Variants in MAP2K5 observed in about 807,000 individuals in gnomAD.
MAP2K5 encodes dual specificity mitogen-activated protein kinase kinase 5.
A neutral mutation model predicts 83.1 loss-of-function variants in MAP2K5; 49 were observed. That is an observed-to-expected ratio of 0.59 (90% confidence interval 0.47 to 0.75). The LOEUF (loss-of-function observed/expected upper bound fraction) is 0.75, where lower values mean the gene tolerates loss of function less well. Ranked by LOEUF, MAP2K5 falls within the 30% of genes least tolerant of loss-of-function variation. MAP2K5 has a pLI of 0.00. For synonymous variants in MAP2K5, 202 were observed against 191.8 expected (o/e 1.05, Z -0.44); for missense variants, 457 against 557.5 (o/e 0.82, Z 1.82).
At chr15:67,740,140 C>G (rs889820337) in intron 17 of MAP2K5, among the ~76,000 whole-genome samples, 9 of 152,188 alleles carry the variant, frequency 5.9e-5, no homozygotes, top group African/African-American at 2.2e-4. Flanking sequence ...GTTTCAGGAA[C>G]CTTTAATAAG....
chr15:67,701,053 G>C (rs1248339658), intron 15 of MAP2K5, among the ~76,000 whole-genome samples: 1 of 151,866 alleles, frequency 6.6e-6, no homozygotes, highest in Admixed American at 6.6e-5. Context: ...CAAATATTTT[G>C]TATGTGGGTT....
chr15:67,687,527 T>TA (rs1161395661), intron 13 of MAP2K5, among the ~76,000 whole-genome samples: 1 of 152,218 alleles, frequency 6.6e-6, no homozygotes, highest in African/African-American at 2.4e-5. Flanking sequence ...GACAGGGTCT[T>TA]ACTCATGTTT....
rs551153133 is a variant in MAP2K5 at position 67,801,820 on chromosome 15, C to T, written c.1243-4826C>T. The stretch of plus-strand genomic sequence containing the variant: ...TACCACATGCAGGCATTGCACCAGG[C>T]CCTGCAGCCACACCAGCAAGTTATT... On this transcript the variant is annotated intron_variant, in intron 21 of 21. Coordinates refer to ENST00000178640, the MANE Select transcript of MAP2K5 (RefSeq NM_145160.3). This position sits in a 1 kb window ranked among gnomAD's most constrained non-coding sequence, Gnocchi z 4.8. Among the ~76,000 whole-genome samples, 3 of 152,276 alleles carry T rather than the reference C, an allele frequency of 2.0e-5. No individual in the cohort carries two copies. Among genetic ancestry groups the T allele is most frequent in the African/African-American group, 7.2e-5 (3 of 41,560 alleles).
Position 67,781,013 on chromosome 15 carries a change from G to A in MAP2K5, c.1242+8261G>A, listed in dbSNP as rs1321927830. Among the ~76,000 whole-genome samples the A allele has an allele frequency of 1.3e-5, 2 of 152,208 alleles. No individual in the cohort carries two copies. The highest frequency in any genetic ancestry group is 2.9e-5 in the Non-Finnish European group (2 of 68,034). ...CTCCTGGCTAGCACCATCTTTGCCT[G>A]TTAGATTGATGACAGGGGACCCGAA... On this transcript the variant is annotated intron_variant, in intron 21 of 21. Coordinates refer to ENST00000178640, the MANE Select transcript of MAP2K5 (RefSeq NM_145160.3). This position sits in a 1 kb window ranked among gnomAD's most constrained non-coding sequence, Gnocchi z 4.0.
At chr15:67,789,244 C>T (rs956937071) in intron 21 of MAP2K5, among the ~76,000 whole-genome samples, 1 of 152,000 alleles carries the variant, frequency 6.6e-6, no homozygotes, top group Non-Finnish European at 1.5e-5. Context: ...ATTTATTTAT[C>T]CAGGACCCTG....
In MAP2K5 at chr15:67,690,279, A is replaced by G. The variant is rs577798966; in HGVS notation, c.848-2200A>G. Among the ~76,000 whole-genome samples, 1 of 152,342 alleles carries G rather than the reference A, an allele frequency of 6.6e-6. No individual in the cohort carries two copies. Among genetic ancestry groups the G allele is most frequent in the Admixed American group, 6.5e-5 (1 of 15,302 alleles). On this transcript the variant is annotated intron_variant, in intron 13 of 21. Coordinates refer to ENST00000178640, the MANE Select transcript of MAP2K5 (RefSeq NM_145160.3). This position sits in a 1 kb window ranked among gnomAD's most constrained non-coding sequence, Gnocchi z 4.3. ...CAGTTCAGCAAACATTTAAGTGTCTACTGTGGCTATGATGTGTTGTGCTAA... is the reference window on the plus strand; with the variant it reads ...CAGTTCAGCAAACATTTAAGTGTCTGCTGTGGCTATGATGTGTTGTGCTAA...
chr15:67,572,237 G>C lies in MAP2K5; in HGVS notation c.253-8517G>C, dbSNP rs1488278262. Among the ~76,000 whole-genome samples, 1 of 152,158 alleles carries C rather than the reference G, an allele frequency of 6.6e-6. No homozygotes were observed. The highest frequency in any genetic ancestry group is 1.5e-5 in the Non-Finnish European group (1 of 68,024). ...GAGCTGCCTGTGATTCAGTCTGTAT[G>C]GACAGTGACGGGGGAGAGGGTGGGA... On this transcript the variant is annotated intron_variant, in intron 3 of 21. Coordinates refer to ENST00000178640, the MANE Select transcript of MAP2K5 (RefSeq NM_145160.3). The surrounding 1 kb of genome is among the most constrained non-coding windows in gnomAD (Gnocchi z 4.2).
chr15:67,740,508 C>T (rs2089469143), intron 17 of MAP2K5, among the ~76,000 whole-genome samples: 1 of 152,082 alleles, frequency 6.6e-6, no homozygotes, highest in African/African-American at 2.4e-5. Context: ...GGGAGGATCA[C>T]TTGAGTCCAG....
chr15:67,602,606 T>G (rs1238778361), intron 8 of MAP2K5, among the ~76,000 whole-genome samples: 4 of 152,200 alleles, frequency 2.6e-5, no homozygotes, highest in African/African-American at 7.2e-5. Context: ...AGACATAATA[T>G]TCTAGATGTT....
At chr15:67,567,148 G>T (rs1396798219) in intron 3 of MAP2K5, among the ~76,000 whole-genome samples, 1 of 152,182 alleles carries the variant, frequency 6.6e-6, no homozygotes, top group Non-Finnish European at 1.5e-5. Context: ...TCTCCAAGGA[G>T]ATATTTAATG....
chr15:67,712,486 G>A (rs2088714585), intron 16 of MAP2K5, among the ~76,000 whole-genome samples: 1 of 152,230 alleles, frequency 6.6e-6, no homozygotes, highest in Non-Finnish European at 1.5e-5. Context: ...AAACTGTGCA[G>A]AGGGTAAAAA....
At chr15:67,734,575 G>GC (rs2089296885) in intron 17 of MAP2K5, among the ~76,000 whole-genome samples, 1 of 152,054 alleles carries the variant, frequency 6.6e-6, no homozygotes, top group Non-Finnish European at 1.5e-5. Flanking sequence ...AAAAGCCTTT[G>GC]ACTAGTATAT....
rs78227393 is a variant in MAP2K5 at position 67,543,510 on chromosome 15, A to C, written c.135+40A>C. ...CAGTGTCCGGATGCCAGCAAGGGGG[A>C]CTCAGGGACTTGAGTAGTCAGCACC... On this transcript the variant is annotated intron_variant, in intron 1 of 21. Transcript: ENST00000178640. The surrounding 1 kb of genome is among the most constrained non-coding windows in gnomAD (Gnocchi z 4.3). The C allele has an allele frequency of 1.9e-5, 30 of 1,612,152 alleles. No individual in the cohort carries two copies. In the African/African-American group the frequency reaches 3.3e-4, roughly 18 times the overall value.
intron 19 of MAP2K5, among the ~76,000 whole-genome samples, chr15:67,767,822 G>A (rs887623813): frequency 2.6e-5 from 4 of 152,014 alleles, no homozygotes; most frequent in Non-Finnish European, 5.9e-5. Context: ...TTTTCATGTC[G>A]TCTCTGTGTA....
intron 8 of MAP2K5, among the ~76,000 whole-genome samples, chr15:67,615,320 T>C (rs2086032385): frequency 6.6e-6 from 1 of 152,180 alleles, no homozygotes; most frequent in African/African-American, 2.4e-5. Flanking sequence ...ACAAATTATT[T>C]TGTAATCAGT....
Position 67,724,632 on chromosome 15 carries a change from A to G in MAP2K5, c.1045-3284A>G, listed in dbSNP as rs750403926. On this transcript the variant is annotated intron_variant, in intron 16 of 21. Coordinates refer to ENST00000178640, the MANE Select transcript of MAP2K5 (RefSeq NM_145160.3). The surrounding 1 kb of genome is among the most constrained non-coding windows in gnomAD (Gnocchi z 4.4). ...ACCATTTTCTTTTTTACCTCCTCCC[A>G]ATAGAACTTGATAAAAAGAGTTCTA... Among the ~76,000 whole-genome samples the G allele has an allele frequency of 7.9e-5, 12 of 152,144 alleles. No individual in the cohort carries two copies. The highest frequency in any genetic ancestry group is 1.8e-4 in the Non-Finnish European group (12 of 68,018).
In MAP2K5 at chr15:67,729,676, A is replaced by G. The variant is rs574384726; in HGVS notation, c.1074+1731A>G. On this transcript the variant is annotated intron_variant, in intron 17 of 21. Coordinates refer to ENST00000178640, the MANE Select transcript of MAP2K5 (RefSeq NM_145160.3). ...CTGTAGTCCCTGCTGAGGCAGGAGA[A>G]TGGCTTGAACCCGGGAGGTGGAGCT... Among the ~76,000 whole-genome samples, 5 of 152,234 alleles carry G rather than the reference A, an allele frequency of 3.3e-5. No homozygotes were observed. The South Asian group carries it at 1.0e-3, about 32-fold the overall frequency.
At chr15:67,765,496 G>A (rs2090025519) in intron 19 of MAP2K5, among the ~76,000 whole-genome samples, 1 of 152,180 alleles carries the variant, frequency 6.6e-6, no homozygotes, top group Admixed American at 6.5e-5. Context: ...GAGTTGCAGG[G>A]TGGAGGGTAG....
chr15:67,761,380 C>G (rs527911295), intron 19 of MAP2K5, among the ~76,000 whole-genome samples: 36 of 152,286 alleles, frequency 2.4e-4, no homozygotes, highest in Middle Eastern at 3.4e-3. Flanking sequence ...AGCACAGTTT[C>G]ACGTATAATT....
Sources: gnomAD v4.1 joint callset for allele counts (sites outside exome capture counted in the v4.1 genomes callset) on GRCh38, gnomAD v4.1.1 for gene constraint, Gnocchi (gnomAD v3.1) non-coding constraint, MANE v1.5 for transcripts, NCBI Gene and HGNC (gene_info 2026-07-23, HGNC 2026-07-21) for gene names.